Variants in CDH18 observed in about 807,000 individuals in gnomAD.
CDH18 encodes the protein cadherin 18, also known as cadherin-18.
Under a neutral mutation model 67.9 loss-of-function variants are expected in CDH18, and 31 were observed. The observed-to-expected ratio is 0.46, with a 90% CI of 0.34 to 0.62. CDH18 has a LOEUF of 0.62. Ranked by LOEUF, CDH18 falls within the 20% of genes least tolerant of loss-of-function variation. CDH18 has a pLI of 0.01. For synonymous variants in CDH18, 362 were observed against 347.2 expected (o/e 1.04, Z -0.48); for missense variants, 890 against 975.5 (o/e 0.91, Z 1.17).
intron 1 of CDH18, among the ~76,000 whole-genome samples, chr5:19,984,689 G>T (rs1471753283): frequency 6.6e-6 from 1 of 152,008 alleles, no homozygotes; most frequent in African/African-American, 2.4e-5. Flanking sequence ...TTGTATATTG[G>T]GTTTTTACAC....
At chr5:20,517,762 G>GA (rs1274288124) in intron 1 of CDH18, among the ~76,000 whole-genome samples, 3 of 151,922 alleles carry the variant, frequency 2.0e-5, no homozygotes, top group East Asian at 1.9e-4. Flanking sequence ...AAACACCAAA[G>GA]AAAAAATCTA....
chr5:19,666,237 TTTATTATTATTATTATTATTA>T (rs70950082), intron 5 of CDH18, among the ~76,000 whole-genome samples: 5 of 128,162 alleles, frequency 3.9e-5, no homozygotes, highest in African/African-American at 6.2e-5. Flanking sequence ...CTGTATGATT[TTTATTATTATTATTATTATTA>T]TTATTATTAT....
chr5:19,606,371 T>C (rs1033535909), intron 6 of CDH18, among the ~76,000 whole-genome samples: 1 of 152,086 alleles, frequency 6.6e-6, no homozygotes, highest in Non-Finnish European at 1.5e-5. Flanking sequence ...ATTATGATAT[T>C]AGAATTCTAC....
chr5:19,816,569 C>A (rs749064210), intron 3 of CDH18, among the ~76,000 whole-genome samples: 1 of 151,752 alleles, frequency 6.6e-6, no homozygotes, highest in Non-Finnish European at 1.5e-5. Flanking sequence ...ACAATAACAA[C>A]CTTCACCTCT....
chr5:20,118,251 T>C (rs902495189), intron 2 of CDH18, among the ~76,000 whole-genome samples: 1 of 152,156 alleles, frequency 6.6e-6, no homozygotes, highest in Non-Finnish European at 1.5e-5. Context: ...AATTATGTGA[T>C]AGTATTCAGG....
In CDH18 at chr5:20,512,049, C is replaced by T. The variant is rs180723204; in HGVS notation, c.-580+63413G>A. Among the ~76,000 whole-genome samples, 926 of 151,996 alleles carry T rather than the reference C, an allele frequency of 6.1e-3. 8 individuals are homozygous for T. Among genetic ancestry groups the T allele is most frequent in the African/African-American group, 0.022 (892 of 41,482 alleles). ...CAGTCTGGCCAACATAGTGAAACCC[C>T]ATCTCTACTAAAAAATACAAAAAAT... On this transcript the variant is annotated intron_variant, in intron 1 of 14. Coordinates refer to the CDH18 transcript ENST00000507958.
At chr5:20,489,057 A>C (rs1229273288) in intron 1 of CDH18, among the ~76,000 whole-genome samples, 1 of 152,048 alleles carries the variant, frequency 6.6e-6, no homozygotes, top group East Asian at 1.9e-4. Flanking sequence ...CATTTAATCA[A>C]CATAACCCTC....
intron 8 of CDH18, among the ~76,000 whole-genome samples, chr5:19,550,051 A>C (rs967275386): frequency 6.6e-6 from 1 of 152,046 alleles, no homozygotes; most frequent in Non-Finnish European, 1.5e-5. Context: ...AGAGAAAGAA[A>C]GATCTTAAAT....
intron 1 of CDH18, among the ~76,000 whole-genome samples, chr5:20,460,093 C>T (rs2457027): frequency 0.79 from 119,652 of 151,962 alleles, 47,345 homozygotes; most frequent in Admixed American, 0.86. Context: ...GGCATGTAGG[C>T]TAGAAGATAA....
chr5:20,411,209 G>A (rs1217886866), intron 1 of CDH18, among the ~76,000 whole-genome samples: 1 of 151,836 alleles, frequency 6.6e-6, no homozygotes, highest in East Asian at 1.9e-4. Context: ...AAATAATATT[G>A]CAATGATACA....
At chr5:19,557,870 TC>T (rs1369938704) in intron 8 of CDH18, among the ~76,000 whole-genome samples, 1 of 151,970 alleles carries the variant, frequency 6.6e-6, no homozygotes, top group Non-Finnish European at 1.5e-5. Context: ...TGGAACATTC[TC>T]CAAGAGAGAC....
chr5:19,636,466 G>T (rs1249094521), intron 5 of CDH18, among the ~76,000 whole-genome samples: 3 of 151,716 alleles, frequency 2.0e-5, no homozygotes, highest in African/African-American at 4.8e-5. Context: ...TCAATTGTTT[G>T]TAAATATTCA....
At chr5:20,537,819 T>C (rs559195656) in intron 1 of CDH18, among the ~76,000 whole-genome samples, 13 of 152,120 alleles carry the variant, frequency 8.5e-5, no homozygotes, top group Non-Finnish European at 1.3e-4. Flanking sequence ...CTTTGGGAAA[T>C]GTACTTTGTC....
intron 7 of CDH18, among the ~76,000 whole-genome samples, chr5:19,585,674 C>G (rs1744030728): frequency 6.6e-6 from 1 of 152,160 alleles, no homozygotes; most frequent in Non-Finnish European, 1.5e-5. Context: ...TAGAAACACT[C>G]TTGTCTCCCA....
At chr5:20,443,209 C>CAAAAAAAA (rs72353299) in intron 1 of CDH18, among the ~76,000 whole-genome samples, 40 of 77,516 alleles carry the variant, frequency 5.2e-4, no homozygotes, top group Admixed American at 1.1e-3. Flanking sequence ...GACTCCGTCA[C>CAAAAAAAA]AAAAAAAAAA....
intron 1 of CDH18, among the ~76,000 whole-genome samples, chr5:19,983,005 C>T (rs1449419903): frequency 1.4e-5 from 2 of 141,808 alleles, no homozygotes; most frequent in African/African-American, 5.1e-5. Flanking sequence ...TGTCGTCCAG[C>T]CTGGGCGACA....
chr5:19,831,384 T>C (rs1279954674), intron 3 of CDH18, among the ~76,000 whole-genome samples: 1 of 151,932 alleles, frequency 6.6e-6, no homozygotes, highest in African/African-American at 2.4e-5. Flanking sequence ...AAAGGTATAA[T>C]ATCTAGAATC....
chr5:20,043,704 T>C (rs1319366721), intron 2 of CDH18, among the ~76,000 whole-genome samples: 1 of 152,160 alleles, frequency 6.6e-6, no homozygotes, highest in Non-Finnish European at 1.5e-5. Context: ...AGTCTGTAAA[T>C]AGCAATATCT....
rs1580489538 is a variant in CDH18 at position 19,612,393 on chromosome 5, G to C, written c.811+41C>G. On this transcript the variant is annotated intron_variant, in intron 6 of 12. Transcript: ENST00000382275. ...AGTATTTCATTTTACTTTACATAAA[G>C]AGATAATGATAAATTCAAATCATGG... is the stretch of plus-strand genomic sequence containing the variant. 3.2e-6 allele frequency: 5 copies of C among 1,583,346 alleles called. No individual in the cohort carries two copies. In the East Asian group the frequency reaches 1.1e-4, roughly 35 times the overall value.
Sources: allele counts gnomAD v4.1 joint callset (sites outside exome capture counted in the v4.1 genomes callset), GRCh38; gene constraint gnomAD v4.1.1; transcripts MANE v1.5; gene names NCBI Gene and HGNC (gene_info 2026-07-23, HGNC 2026-07-21).